Variants in NLGN1 observed in about 807,000 individuals in gnomAD.
NLGN1 encodes neuroligin-1.
In NLGN1, 12 loss-of-function variants were observed where a neutral mutation model predicts 65.5. That is an observed-to-expected ratio of 0.18 (90% confidence interval 0.12 to 0.30). The LOEUF (loss-of-function observed/expected upper bound fraction) is 0.30, where lower values mean the gene tolerates loss of function less well. Ranked by LOEUF, NLGN1 falls within the 10% of genes least tolerant of loss-of-function variation. The probability of loss-of-function intolerance (pLI) is 1.00; values close to 1 mark genes in which losing one functional copy is unlikely to be tolerated. For missense variants in NLGN1, 750 were observed against 1,007.1 expected (o/e 0.74, Z 3.46); for synonymous variants, 350 against 359.5 (o/e 0.97, Z 0.30).
chr3:173,399,140 A>G (rs769684652), intron 1 of NLGN1, among the ~76,000 whole-genome samples: 3 of 152,252 alleles, frequency 2.0e-5, no homozygotes, highest in African/African-American at 2.4e-5. Flanking sequence ...ATCTAAGTCT[A>G]CTTGCACTGC....
At chr3:174,108,924 A>C (rs952770472) in intron 4 of NLGN1, among the ~76,000 whole-genome samples, 1 of 151,904 alleles carries the variant, frequency 6.6e-6, no homozygotes, top group Non-Finnish European at 1.5e-5. Flanking sequence ...TTCTCTCTCT[A>C]TGTGTGTGTG....
At chr3:173,574,419 C>T (rs1745183561) in intron 2 of NLGN1, among the ~76,000 whole-genome samples, 1 of 151,616 alleles carries the variant, frequency 6.6e-6, no homozygotes, top group South Asian at 2.1e-4. Context: ...TAAACTTTGA[C>T]TAAATTGAAT....
intron 2 of NLGN1, among the ~76,000 whole-genome samples, chr3:173,463,651 T>G (rs61100058): frequency 0.031 from 4,785 of 152,234 alleles, 258 homozygotes; most frequent in African/African-American, 0.11. Flanking sequence ...GATAAGAGGA[T>G]CCCTCGGGAT....
chr3:174,281,361 A>T, exon 7 of NLGN1: 3 of 1,114,508 alleles, frequency 2.7e-6, no homozygotes, highest in East Asian at 2.5e-5. Flanking sequence ...ATCACTGAAG[A>T]TTCCTTGGCT....
chr3:173,560,418 G>A (rs1742518362), intron 2 of NLGN1, among the ~76,000 whole-genome samples: 1 of 152,008 alleles, frequency 6.6e-6, no homozygotes, highest in East Asian at 1.9e-4. Context: ...AAGGGAGGGA[G>A]GGAAAAGGCA....
At chr3:173,411,901 A>AC (rs1712654285) in intron 1 of NLGN1, among the ~76,000 whole-genome samples, 1 of 152,144 alleles carries the variant, frequency 6.6e-6, no homozygotes, top group Non-Finnish European at 1.5e-5. Context: ...CGAAGCTGAC[A>AC]GTAAGACTTA....
rs374841493 is a variant in NLGN1, at chr3:173,670,803, AT to A, written c.493+65715del. Among the ~76,000 whole-genome samples the A allele has an allele frequency of 3.7e-3, 563 of 152,276 alleles. 5 individuals carry two copies. The highest frequency in any genetic ancestry group is 0.013 in the African/African-American group (523 of 41,540). On this transcript the variant is annotated intron_variant, in intron 3 of 6. Coordinates refer to ENST00000457714, the Ensembl canonical transcript of NLGN1. The stretch of plus-strand genomic sequence containing the variant: ...AACGATGTTTATCATTAGTGTTGAG[AT>A]TTAAAATGTCAGAAGTTCTTAAAGT...
In NLGN1 at chr3:174,006,277, A is replaced by C. The variant is rs531480162; in HGVS notation, c.646+198445A>C. ...TTGTATTCTTTTCCAAAGAAATCTCACTCTTTTGTGGCCATCAGTATATAG... is the reference window on the plus strand; with the variant it reads ...TTGTATTCTTTTCCAAAGAAATCTCCCTCTTTTGTGGCCATCAGTATATAG... On this transcript the variant is annotated intron_variant, in intron 4 of 6. Transcript: ENST00000457714. Among the ~76,000 whole-genome samples the C allele has an allele frequency of 2.0e-5, 3 of 151,948 alleles. No homozygotes were observed. The East Asian group carries it at 5.8e-4, about 29-fold the overall frequency.
At chr3:174,243,623 A>G (rs1236869019) in intron 4 of NLGN1, among the ~76,000 whole-genome samples, 5 of 152,058 alleles carry the variant, frequency 3.3e-5, no homozygotes, top group African/African-American at 4.8e-5. Flanking sequence ...TGGAAGTCCC[A>G]TAAGGTTGGT....
At chr3:174,056,017 T>G (rs1735991209) in intron 4 of NLGN1, among the ~76,000 whole-genome samples, 1 of 152,014 alleles carries the variant, frequency 6.6e-6, no homozygotes, top group Admixed American at 6.6e-5. Context: ...ATGCTAAGTA[T>G]TGTGCTCTGG....
At chr3:174,117,310 C>T (rs1187069138) in intron 4 of NLGN1, among the ~76,000 whole-genome samples, 2 of 151,640 alleles carry the variant, frequency 1.3e-5, no homozygotes, top group African/African-American at 4.8e-5. Context: ...TATATCACAG[C>T]ACACAAAGAA....
chr3:173,467,301 AT>A (rs1191016872), intron 2 of NLGN1, among the ~76,000 whole-genome samples: 2 of 152,076 alleles, frequency 1.3e-5, no homozygotes, highest in African/African-American at 4.8e-5. Flanking sequence ...ATTGTTATCG[AT>A]AGTAATTTAC....
chr3:173,772,047 C>T (rs1247730106), intron 3 of NLGN1, among the ~76,000 whole-genome samples: 6 of 151,832 alleles, frequency 4.0e-5, no homozygotes, highest in Non-Finnish European at 1.5e-5. Context: ...TGACCAGAGA[C>T]GGAACAAAAC....
chr3:173,903,832 A>G (rs779004107), intron 4 of NLGN1, among the ~76,000 whole-genome samples: 1 of 152,160 alleles, frequency 6.6e-6, no homozygotes, highest in Non-Finnish European at 1.5e-5. Flanking sequence ...ACTGTCATAT[A>G]TTTCAGGGAG....
At chr3:174,155,552 G>T (rs139500081) in intron 4 of NLGN1, among the ~76,000 whole-genome samples, 95 of 151,760 alleles carry the variant, frequency 6.3e-4, no homozygotes, top group African/African-American at 2.1e-3. Flanking sequence ...GTGTTTTTCA[G>T]GTTTCAATGT....
chr3:173,943,898 T>G (rs1746632262), intron 4 of NLGN1, among the ~76,000 whole-genome samples: 1 of 152,104 alleles, frequency 6.6e-6, no homozygotes, highest in Admixed American at 6.6e-5. Context: ...TACAAAGTAG[T>G]AAAACAGAGA....
intron 2 of NLGN1, among the ~76,000 whole-genome samples, chr3:173,558,840 A>G (rs1299574706): frequency 6.6e-6 from 1 of 152,126 alleles, no homozygotes; most frequent in Non-Finnish European, 1.5e-5. Context: ...TTTCTTTTGT[A>G]TCCTGAGTAT....
At chr3:174,209,614 C>G (rs1418625864) in intron 4 of NLGN1, among the ~76,000 whole-genome samples, 1 of 141,164 alleles carries the variant, frequency 7.1e-6, no homozygotes, top group Admixed American at 7.0e-5. Context: ...TGTCTATCAA[C>G]CTTTCTTTCT....
intron 4 of NLGN1, among the ~76,000 whole-genome samples, chr3:174,066,155 C>G (rs766888331): frequency 6.6e-6 from 1 of 152,166 alleles, no homozygotes; most frequent in Non-Finnish European, 1.5e-5. Flanking sequence ...TTGATGCCAA[C>G]TTTCCCACAA....
Sources: gnomAD v4.1 joint callset for allele counts (sites outside exome capture counted in the v4.1 genomes callset) on GRCh38, gnomAD v4.1.1 for gene constraint, MANE v1.5 for transcripts, NCBI Gene and HGNC (gene_info 2026-07-23, HGNC 2026-07-21) for gene names.